The following ACLY variants were observed in gnomAD, a reference collection of about 807,000 sequenced individuals.
ACLY encodes the protein ATP citrate lyase, also known as ATP-citrate synthase.
A neutral mutation model predicts 133.0 loss-of-function variants in ACLY; 41 were observed. The observed-to-expected ratio is 0.31, with a 90% CI of 0.24 to 0.40. The LOEUF is 0.40. Ranked by LOEUF, ACLY falls within the 10% of genes least tolerant of loss-of-function variation. The pLI is 1.00. For missense variants in ACLY, 1,046 were observed against 1,453.8 expected (o/e 0.72, Z 4.56); for synonymous variants, 495 against 549.3 (o/e 0.90, Z 1.38).
rs1207744400 is a variant in ACLY at position 41,901,905 on chromosome 17, AC to A, written c.1066-93del. ...TAAACAAACATACCAGGTATATGTG[AC>A]AAGTGCTGCTCCTCAGGAAGCACAG... is the stretch of plus-strand genomic sequence containing the variant. On this transcript the variant is annotated intron_variant, in intron 10 of 28. Coordinates refer to ENST00000352035, the MANE Select transcript of ACLY (RefSeq NM_001096.3). 7.1e-6 allele frequency: 7 copies of A among 979,390 alleles called. No individual in the cohort carries two copies. In the Admixed American group the frequency reaches 9.3e-5, roughly 13 times the overall value. 60.7% of individuals were successfully genotyped at this position (979,390 alleles called of 1,614,324 possible).
chr17:41,925,667 A>AG (rs2050235052), intron 1 of ACLY, among the ~76,000 whole-genome samples: 1 of 151,898 alleles, frequency 6.6e-6, no homozygotes. Context: ...GAAGTGGGGG[A>AG]GGGGAGGCCA....
intron 11 of ACLY, 121 bp from the exon 12 acceptor site, chr17:41,898,906 C>G: frequency 1.0e-6 from 1 of 967,824 alleles, no homozygotes. Flanking sequence ...AGTGCAAGAC[C>G]AATATCCAGG....
At chr17:41,904,978 T>C (rs1301531016) in intron 9 of ACLY, among the ~76,000 whole-genome samples, 188 bp from the exon 10 acceptor site, 1 of 152,170 alleles carries the variant, frequency 6.6e-6, no homozygotes, top group Non-Finnish European at 1.5e-5. Flanking sequence ...CCATTACCTA[T>C]GCCACCAGAC....
chr17:41,886,343 T>C, intron 17 of ACLY, 35 bp from the exon 18 acceptor site: 1 of 1,564,018 alleles, frequency 6.4e-7, no homozygotes, highest in South Asian at 1.1e-5. Flanking sequence ...GGGAGGAAGG[T>C]GACTTCCAGA....
At chr17:41,876,269 C>T (rs568727578) in intron 22 of ACLY, among the ~76,000 whole-genome samples, 176 of 150,958 alleles carry the variant, frequency 1.2e-3, no homozygotes, top group African/African-American at 4.1e-3. Flanking sequence ...CCCGGCCAGC[C>T]GCCCCGTCCG....
chr17:41,870,591 G>C (rs555275899), intron 25 of ACLY: 2 of 152,364 alleles, frequency 1.3e-5, no homozygotes, highest in African/African-American at 4.8e-5. Context: ...ATAAGGCCCT[G>C]AGCAGCTGCC....
intron 1 of ACLY, among the ~76,000 whole-genome samples, chr17:41,924,305 C>T (rs575693571): frequency 8.6e-5 from 13 of 151,486 alleles, no homozygotes; most frequent in African/African-American, 2.4e-4. Flanking sequence ...CCACCACACC[C>T]GGCTGATTTT....
chr17:41,921,161 T>A (rs1287004944), upstream of ACLY, among the ~76,000 whole-genome samples: 1 of 139,636 alleles, frequency 7.2e-6, no homozygotes, highest in Admixed American at 7.3e-5. Context: ...AGCTGGGCAC[T>A]GTATCGGGTG....
At chr17:41,916,578 T>C (rs1473317254) in intron 1 of ACLY, among the ~76,000 whole-genome samples, 3 of 150,558 alleles carry the variant, frequency 2.0e-5, no homozygotes, top group African/African-American at 7.3e-5. Flanking sequence ...GGTTTCACCA[T>C]GTTGGTCAGG....
Position 41,905,770 on chromosome 17 carries a change from A to G in ACLY, c.867-112T>C, listed in dbSNP as rs574277989. On this transcript the variant is annotated intron_variant, in intron 8 of 28. Coordinates refer to ENST00000352035, the MANE Select transcript of ACLY (RefSeq NM_001096.3). ...CAAAACACTGGAGTTAGCCTGTGGA[A>G]CCGGCCTCTTGGATCTCCAGCCCCC... 5.9e-6 allele frequency: 8 copies of G among 1,356,958 alleles called. No homozygotes were observed. In the African/African-American group the frequency reaches 1.1e-4, roughly 19 times the overall value. 84.1% of individuals were successfully genotyped at this position (1,356,958 alleles called of 1,614,324 possible).
At chr17:41,929,606 A>G (rs1419283022) in intron 1 of ACLY, among the ~76,000 whole-genome samples, 1 of 152,166 alleles carries the variant, frequency 6.6e-6, no homozygotes, top group African/African-American at 2.4e-5. Flanking sequence ...TTGTTTATAC[A>G]TCTTTCTCCC....
rs374694849 is a variant in ACLY, at chr17:41,894,693, TA to T, written c.1460-1520del. Among the ~76,000 whole-genome samples, 1,383 of 145,740 alleles carry T rather than the reference TA, an allele frequency of 9.5e-3. 29 individuals carry two copies. Among genetic ancestry groups the T allele is most frequent in the African/African-American group, 0.032 (1,297 of 39,988 alleles). On this transcript the variant is annotated intron_variant, in intron 14 of 28. Transcript: ENST00000352035. ...AAAATTTTAATGCAGCAAGTATATT[TA>T]AAAAAAAAAAGAAAAAAGTGCAGTC... is the stretch of plus-strand genomic sequence containing the variant.
At chr17:41,904,264 GAGGA>G (rs2049632729) in intron 10 of ACLY, among the ~76,000 whole-genome samples, 1 of 102,478 alleles carries the variant, frequency 9.8e-6, no homozygotes, top group Non-Finnish European at 2.0e-5. Context: ...GGAGGGGAGG[GAGGA>G]AGGGAGGGGA....
chr17:41,878,962 C>A, intron 20 of ACLY, 38 bp from the exon 21 acceptor site: 1 of 1,612,782 alleles, frequency 6.2e-7, no homozygotes, highest in South Asian at 1.1e-5. Flanking sequence ...TGCTAATCCC[C>A]CAAGAGTGAA....
Position 41,912,448 on chromosome 17 carries a change from A to G in ACLY, c.254T>C (p.Leu85Pro), listed in dbSNP as rs2049932249. Residue 85 changes from leucine (L) to proline (P), a missense_variant, in exon 3 of 29, where the codon CTG becomes CCG. Leu to Pro is a moderately conservative substitution (Grantham distance 98, BLOSUM62 -3). Transcript: ENST00000352035. Reference protein sequence around the residue: ...NLTLDGVKSWLKPRLGQEATV... With the variant: ...NLTLDGVKSWPKPRLGQEATV... ...GGCTTCCTGTCCCAGCCGTGGCTTC[A>G]GCCAGGACTTGACCCCATCCAGAGT... is the stretch of plus-strand genomic sequence containing the variant. The G allele has an allele frequency of 6.2e-7, 1 of 1,614,178 alleles. No homozygotes were observed. Among genetic ancestry groups the G allele is most frequent in the South Asian group, 1.1e-5 (1 of 91,076 alleles).
chr17:41,874,087 G>T, intron 22 of ACLY, 122 bp from the exon 23 acceptor site: 1 of 1,039,464 alleles, frequency 9.6e-7, no homozygotes, highest in South Asian at 2.5e-5. Flanking sequence ...AACTCTGGCA[G>T]CCAAGTAACA....
intron 14 of ACLY, 36 bp downstream of exon 14, chr17:41,896,584 C>T (rs1236534902): frequency 4.6e-6 from 7 of 1,528,966 alleles, no homozygotes; most frequent in Non-Finnish European, 6.2e-6. Context: ...CTAACAAAGC[C>T]ACACGCGGAG....
rs1009805970 is a variant in ACLY at position 41,909,210 on chromosome 17, C to T, written c.537-142G>A. 20 of 717,858 alleles carry T rather than the reference C, an allele frequency of 2.8e-5. No individual in the cohort carries two copies. The African/African-American group carries it at 3.1e-4, about 11-fold the overall frequency. 44.5% of individuals were successfully genotyped at this position (717,858 alleles called of 1,614,324 possible). On this transcript the variant is annotated intron_variant, in intron 5 of 28. Coordinates refer to ENST00000352035, the MANE Select transcript of ACLY (RefSeq NM_001096.3). The stretch of plus-strand genomic sequence containing the variant: ...CCCACTGGCCCTTCCATCTCCTCTG[C>T]AACCCCTGCTCCCTGGACATAGCTC...
chr17:41,909,122 G>T, intron 5 of ACLY, 54 bp from the exon 6 acceptor site: 1 of 1,399,948 alleles, frequency 7.1e-7, no homozygotes, highest in Non-Finnish European at 1.0e-6. Context: ...CAGCTCGGCA[G>T]CACCCCAGGC....
Sources: allele counts gnomAD v4.1 joint callset (sites outside exome capture counted in the v4.1 genomes callset), GRCh38; gene constraint gnomAD v4.1.1; transcripts MANE v1.5; gene names NCBI Gene and HGNC (gene_info 2026-07-23, HGNC 2026-07-21).